The following CPLANE1 variants were observed in gnomAD, a reference collection of about 807,000 sequenced individuals.
CPLANE1 encodes ciliogenesis and planar polarity effector complex subunit 1.
CPLANE1 carries 263 observed loss-of-function variants against 362.5 expected under a neutral mutation model. The observed-to-expected ratio is 0.73, with a 90% CI of 0.66 to 0.80. The LOEUF is 0.80. Among genes scored for constraint, CPLANE1 ranks in the 30% least tolerant of loss-of-function variants. CPLANE1 has a pLI of 0.00. For synonymous variants in CPLANE1, 1,212 were observed against 1,302.6 expected (o/e 0.93, Z 1.50); for missense variants, 3,461 against 3,793.4 (o/e 0.91, Z 2.30).
At chr5:37,091,672 G>C in the CPLANE1 span, among the ~76,000 whole-genome samples, 7 of 152,198 alleles carry the variant, frequency 4.6e-5, no homozygotes, top group African/African-American at 1.4e-4. Flanking sequence ...CATAAAGCCT[G>C]CAGTTTTATG....
At chr5:37,211,491 G>T (rs1318030204) in intron 16 of CPLANE1, 1 of 1,377,326 alleles carries the variant, frequency 7.3e-7, no homozygotes, top group South Asian at 1.3e-5. Flanking sequence ...ACTTAAAGAA[G>T]AAAGGAATGA....
intron 46 of CPLANE1, among the ~76,000 whole-genome samples, chr5:37,128,629 T>C (rs1346370625): frequency 6.6e-6 from 1 of 152,024 alleles, no homozygotes; most frequent in Non-Finnish European, 1.5e-5. Context: ...GGGGCCGAGA[T>C]GGGTGGATCA....
chr5:37,161,516 A>G (rs10061157), intron 38 of CPLANE1, among the ~76,000 whole-genome samples: 77,164 of 152,058 alleles, frequency 0.51, 22,615 homozygotes, highest in African/African-American at 0.83. Context: ...TGTAGCAAAC[A>G]TACTATGATG....
At chr5:37,121,553 G>A in intron 49 of CPLANE1, 64 bp downstream of exon 49, 1 of 1,468,288 alleles carries the variant, frequency 6.8e-7, no homozygotes, top group Non-Finnish European at 9.5e-7. Context: ...TCACGAAAGT[G>A]CTACATTTCT....
intron 21 of CPLANE1, among the ~76,000 whole-genome samples, chr5:37,191,563 C>T: frequency 6.6e-6 from 1 of 152,014 alleles, no homozygotes. Flanking sequence ...CCCAGCTACT[C>T]AGGAGGCTGA....
the CPLANE1 span, among the ~76,000 whole-genome samples, chr5:37,090,725 A>C: frequency 1.3e-5 from 2 of 152,228 alleles, no homozygotes; most frequent in Non-Finnish European, 2.9e-5. Flanking sequence ...TAGCACTTAG[A>C]GAGCTGAGAC....
At chr5:37,167,267 A>G in intron 34 of CPLANE1, 54 bp from the exon 35 acceptor site, 1 of 1,375,300 alleles carries the variant, frequency 7.3e-7, no homozygotes, top group Admixed American at 2.1e-5. Flanking sequence ...CAATTATGTA[A>G]TATTTCAACA....
At chr5:37,201,493 T>C in intron 19 of CPLANE1, 98 bp downstream of exon 19, 2 of 993,828 alleles carry the variant, frequency 2.0e-6, no homozygotes, top group South Asian at 3.2e-5. Flanking sequence ...TCTTTAGAGC[T>C]TGAATTTTTA....
At chr5:37,218,825 G>A (rs1333682878) in intron 15 of CPLANE1, among the ~76,000 whole-genome samples, 5 of 151,904 alleles carry the variant, frequency 3.3e-5, no homozygotes, top group African/African-American at 7.3e-5. Context: ...GCAGGCGCCT[G>A]TAATCCCAGC....
At chr5:37,086,208 A>G in the CPLANE1 span, among the ~76,000 whole-genome samples, 1 of 152,238 alleles carries the variant, frequency 6.6e-6, no homozygotes, top group African/African-American at 2.4e-5. Flanking sequence ...ACTTAGAGAT[A>G]CATACAGAAC....
chr5:37,227,000 T>C lies in CPLANE1; in HGVS notation c.1595A>G (p.Asp532Gly), dbSNP rs1052515296. The change falls in exon 12 of 53, where the codon GAT becomes GGT. Residue 532 changes from aspartate (D) to glycine (G), a missense_variant. Transcript: ENST00000651892. The stretch of plus-strand genomic sequence containing the variant: ...CTTCATACTACTACACAGCACATCA[T>C]CTCTTTTGTTCCAAAAAGGACATAA... Reference protein sequence around the residue: ...DNLCPFWNKRDDVLCSSMKEG... With the variant: ...DNLCPFWNKRGDVLCSSMKEG... The C allele has an allele frequency of 2.6e-6, 4 of 1,550,712 alleles. No individual in the cohort carries two copies. The highest frequency in any genetic ancestry group is 1.4e-5 in the African/African-American group (1 of 72,998).
At chr5:37,129,203 T>G (rs1335542207) in intron 46 of CPLANE1, among the ~76,000 whole-genome samples, 1 of 152,146 alleles carries the variant, frequency 6.6e-6, no homozygotes, top group Non-Finnish European at 1.5e-5. Flanking sequence ...GCAAGCCACA[T>G]GTAGAAGAAT....
intron 46 of CPLANE1, among the ~76,000 whole-genome samples, chr5:37,133,326 T>C (rs1766539161): frequency 6.6e-6 from 1 of 152,204 alleles, no homozygotes; most frequent in African/African-American, 2.4e-5. Context: ...TATTGGTAGC[T>C]TGATAGAAAT....
intron 35 of CPLANE1, among the ~76,000 whole-genome samples, chr5:37,166,576 C>T (rs1778305239): frequency 6.6e-6 from 1 of 152,150 alleles, no homozygotes; most frequent in South Asian, 2.1e-4. Context: ...AGTTATTGTG[C>T]ATTGCTTACT....
At chr5:37,134,192 T>A (rs913563190) in intron 46 of CPLANE1, among the ~76,000 whole-genome samples, 3 of 152,216 alleles carry the variant, frequency 2.0e-5, no homozygotes, top group African/African-American at 7.2e-5. Flanking sequence ...CTTGATTTTT[T>A]AAAAGAGTTT....
intron 26 of CPLANE1, among the ~76,000 whole-genome samples, chr5:37,182,196 TACAC>T (rs1353926767): frequency 2.6e-5 from 4 of 151,788 alleles, no homozygotes; most frequent in Admixed American, 2.0e-4. Context: ...CACACACACA[TACAC>T]ACACACACTC....
At chr5:37,207,369 G>C (rs191002544) in intron 16 of CPLANE1, among the ~76,000 whole-genome samples, 38 of 152,280 alleles carry the variant, frequency 2.5e-4, no homozygotes, top group African/African-American at 8.9e-4. Flanking sequence ...CAACCACTTG[G>C]ATGTCTGATT....
At chr5:37,221,978 A>G (rs1029725632) in intron 14 of CPLANE1, among the ~76,000 whole-genome samples, 24 of 152,258 alleles carry the variant, frequency 1.6e-4, no homozygotes, top group African/African-American at 5.1e-4. Context: ...ACATGCCACA[A>G]AAAACTCCAA....
In CPLANE1 at chr5:37,209,163, T is replaced by C. The variant is rs1173045323; in HGVS notation, c.2921-2738A>G. On this transcript the variant is annotated intron_variant, in intron 16 of 52. Transcript: ENST00000651892. The surrounding 1 kb of genome is among the most constrained non-coding windows in gnomAD (Gnocchi z 4.6). ...CCTCAGAACCGCGAAGAAAGGAAGC[T>C]AGCGTGTTTGTTAGAAAACCTAGTT... Among the ~76,000 whole-genome samples, 1 of 152,194 alleles carries C rather than the reference T, an allele frequency of 6.6e-6. No homozygotes were observed. The highest frequency in any genetic ancestry group is 1.5e-5 in the Non-Finnish European group (1 of 68,034).
Sources: gnomAD v4.1 joint callset for allele counts (sites outside exome capture counted in the v4.1 genomes callset) on GRCh38, gnomAD v4.1.1 for gene constraint, Gnocchi (gnomAD v3.1) non-coding constraint, MANE v1.5 for transcripts, NCBI Gene and HGNC (gene_info 2026-07-23, HGNC 2026-07-21) for gene names.